Variants in TENM2 observed in about 807,000 individuals in gnomAD.
TENM2 encodes the protein teneurin-2.
A neutral mutation model predicts 245.2 loss-of-function variants in TENM2; 52 were observed. The observed-to-expected ratio is 0.21, with a 90% CI of 0.17 to 0.27. The LOEUF is 0.27. TENM2 is among the 10% of genes least tolerant of loss of function. The pLI, the probability that TENM2 is intolerant of heterozygous loss-of-function variation, is 1.00. For missense variants in TENM2, 3,046 were observed against 3,666.8 expected, an observed-to-expected ratio of 0.83 and a Z score of 4.37; for synonymous variants, 1,363 against 1,438.9, an observed-to-expected ratio of 0.95 and a Z score of 1.19.
chr5:168,216,944 C>T, intron 22 of TENM2, 22 bp downstream of exon 24: 2 of 1,612,504 alleles, frequency 1.2e-6, no homozygotes, highest in Non-Finnish European at 1.7e-6. Flanking sequence ...TCTTATTTCT[C>T]TTCACTAAGC....
chr5:167,930,841 A>C (rs915442822), intron 3 of TENM2, among the ~76,000 whole-genome samples: 3 of 152,144 alleles, frequency 2.0e-5, no homozygotes, highest in East Asian at 1.9e-4. Context: ...ATGACATTTA[A>C]ACTAGCCCCA....
intron 2 of TENM2, among the ~76,000 whole-genome samples, chr5:167,707,191 T>G (rs904931146): frequency 2.2e-4 from 34 of 152,134 alleles, no homozygotes; most frequent in African/African-American, 8.2e-4. Context: ...CATATACCAG[T>G]TTTCCATTTG....
chr5:167,941,805 G>A (rs1219930126), intron 3 of TENM2, among the ~76,000 whole-genome samples: 1 of 152,092 alleles, frequency 6.6e-6, no homozygotes, highest in Non-Finnish European at 1.5e-5. Flanking sequence ...AGTGAGCCAT[G>A]ATTGTACCAC....
chr5:168,083,035 T>C (rs1180112564), intron 7 of TENM2, among the ~76,000 whole-genome samples: 1 of 152,204 alleles, frequency 6.6e-6, no homozygotes, highest in East Asian at 1.9e-4. Context: ...TGTTCAGCTA[T>C]GCCCTGCCCC....
At chr5:167,351,861 A>T (rs970997353) in intron 1 of TENM2, among the ~76,000 whole-genome samples, 8 of 152,134 alleles carry the variant, frequency 5.3e-5, no homozygotes, top group East Asian at 1.9e-4. Context: ...AACAAAAAAA[A>T]AAATAAAACC....
chr5:167,233,717 A>G, the TENM2 span, among the ~76,000 whole-genome samples: 186 of 152,328 alleles, frequency 1.2e-3, no homozygotes, highest in East Asian at 0.031. Flanking sequence ...AAAGCCATTT[A>G]GAAAGAGTTG....
intron 12 of TENM2, among the ~76,000 whole-genome samples, chr5:168,157,126 T>A (rs1003001499): frequency 6.6e-6 from 1 of 152,166 alleles, no homozygotes; most frequent in Non-Finnish European, 1.5e-5. Context: ...ATGCCATGAC[T>A]GGTGCTGCTG....
intron 27 of TENM2, among the ~76,000 whole-genome samples, chr5:168,250,758 T>C (rs1767040981): frequency 6.6e-6 from 1 of 152,270 alleles, no homozygotes; most frequent in Middle Eastern, 3.4e-3. Context: ...CCCCCGTGCC[T>C]CATCGAGGCC....
At chr5:167,060,650 CAA>C in the TENM2 span, among the ~76,000 whole-genome samples, 309 of 101,690 alleles carry the variant, frequency 3.0e-3, 1 homozygote, top group African/African-American at 5.6e-3. Flanking sequence ...GACCTTCTCT[CAA>C]AAAAAAAAAA....
intron 2 of TENM2, among the ~76,000 whole-genome samples, chr5:167,870,568 T>C (rs1298674795): frequency 1.4e-5 from 2 of 142,084 alleles, no homozygotes; most frequent in East Asian, 3.9e-4. Flanking sequence ...TATATATATA[T>C]ATGTGTGTGT....
At chr5:167,561,910 A>C (rs1429324463) in intron 2 of TENM2, among the ~76,000 whole-genome samples, 1 of 152,220 alleles carries the variant, frequency 6.6e-6, no homozygotes, top group Non-Finnish European at 1.5e-5. Flanking sequence ...AGAGACAGAG[A>C]GACAGAGTCC....
intron 2 of TENM2, among the ~76,000 whole-genome samples, chr5:167,857,993 T>C (rs1771248737): frequency 6.6e-6 from 1 of 152,236 alleles, no homozygotes; most frequent in Non-Finnish European, 1.5e-5. Context: ...AGGGATATTA[T>C]CTAAGGTTCC....
intron 5 of TENM2, among the ~76,000 whole-genome samples, chr5:168,029,423 C>T (rs1786911471): frequency 1.3e-5 from 2 of 152,162 alleles, no homozygotes; most frequent in Non-Finnish European, 2.9e-5. Context: ...TATGTAGCTA[C>T]CCAGCCCAAA....
the TENM2 span, among the ~76,000 whole-genome samples, chr5:167,194,192 C>T: frequency 5.3e-5 from 8 of 152,010 alleles, no homozygotes; most frequent in African/African-American, 1.4e-4. Context: ...GCCAATATCA[C>T]GAGAAAAATC....
At chr5:167,703,188 T>C (rs1758281495) in intron 2 of TENM2, among the ~76,000 whole-genome samples, 1 of 152,168 alleles carries the variant, frequency 6.6e-6, no homozygotes, top group Admixed American at 6.5e-5. Flanking sequence ...TTCCAATCCA[T>C]AGCCATATAT....
At chr5:167,147,268 A>G in the TENM2 span, among the ~76,000 whole-genome samples, 300 of 152,332 alleles carry the variant, frequency 2.0e-3, no homozygotes, top group Middle Eastern at 6.8e-3. Flanking sequence ...TAAGAAATAA[A>G]TTAATTCATC....
At chr5:167,293,242 C>G (rs182385763) in intron 1 of TENM2, among the ~76,000 whole-genome samples, 2 of 152,208 alleles carry the variant, frequency 1.3e-5, no homozygotes, top group East Asian at 3.9e-4. Context: ...ACTCTTGTTG[C>G]CCAGGCTGGA....
At chr5:168,093,365 A>G (rs1261711409) in intron 8 of TENM2, among the ~76,000 whole-genome samples, 1 of 152,210 alleles carries the variant, frequency 6.6e-6, no homozygotes, top group African/African-American at 2.4e-5. Flanking sequence ...TTGGCCTAAT[A>G]GTTGGGCAGA....
At chr5:167,563,289 C>T (rs1328889042) in intron 2 of TENM2, among the ~76,000 whole-genome samples, 1 of 152,206 alleles carries the variant, frequency 6.6e-6, no homozygotes, top group African/African-American at 2.4e-5. Flanking sequence ...GTCTCCTTTT[C>T]TTCCCTTGGG....
Sources: allele counts gnomAD v4.1 joint callset (sites outside exome capture counted in the v4.1 genomes callset), GRCh38; gene constraint gnomAD v4.1.1; transcripts MANE v1.5; gene names NCBI Gene and HGNC (gene_info 2026-07-23, HGNC 2026-07-21).